The following PTPRN2 variants were observed in gnomAD, a reference collection of about 807,000 sequenced individuals.
The protein encoded by PTPRN2 is receptor-type tyrosine-protein phosphatase N2.
In PTPRN2, 74 loss-of-function variants were observed where a neutral mutation model predicts 118.8. The ratio of observed to expected loss-of-function variants is 0.62; its 90% CI spans 0.52 to 0.76. PTPRN2 has a LOEUF of 0.76. Among genes scored for constraint, PTPRN2 ranks in the 30% least tolerant of loss-of-function variants. The pLI, the probability that PTPRN2 is intolerant of heterozygous loss-of-function variation, is 0.00. For synonymous variants in PTPRN2, 641 were observed against 608.0 expected (o/e 1.05, Z -0.80); for missense variants, 1,481 against 1,394.4 (o/e 1.06, Z -0.99).
At position 158,441,242 on chromosome 7, in the gene PTPRN2, GAA is replaced by G. The variant is rs1256378702; in HGVS notation, c.163+48491_163+48492del. ...TGGTGATAGTAATGGTGATGGCAAT[GAA>G]GGTGATGGTGATGGTGATGGTGATA... On this transcript the variant is annotated intron_variant, in intron 2 of 22. Coordinates refer to ENST00000389418, the MANE Select transcript of PTPRN2 (RefSeq NM_002847.5). Among the ~76,000 whole-genome samples the G allele has an allele frequency of 6.4e-4, 68 of 106,626 alleles. 1 individual carries two copies. The highest frequency in any genetic ancestry group is 1.0e-3 in the Non-Finnish European group (45 of 43,248). The allele number at this position is 106,626 out of a possible 152,430, so 70.0% of individuals were successfully genotyped here. A position where few individuals can be genotyped will look rare whatever the true frequency, so the allele number is the denominator to read the frequency against.
intron 2 of PTPRN2, among the ~76,000 whole-genome samples, chr7:158,334,936 C>T (rs1247484024): frequency 4.0e-4 from 5 of 12,498 alleles, no homozygotes; most frequent in African/African-American, 8.9e-4. Context: ...CGCTGTCGTC[C>T]GGAGGCGTCA....
chr7:158,114,575 C>G (rs1453896420), intron 9 of PTPRN2, among the ~76,000 whole-genome samples: 1 of 152,158 alleles, frequency 6.6e-6, no homozygotes, highest in Non-Finnish European at 1.5e-5. Flanking sequence ...GAGCCAGGAG[C>G]TATGGAAGCA....
intron 3 of PTPRN2, among the ~76,000 whole-genome samples, chr7:158,278,604 G>A (rs1260749392): frequency 6.6e-6 from 1 of 152,256 alleles, no homozygotes; most frequent in Non-Finnish European, 1.5e-5. Context: ...GACATGTTGT[G>A]TCCGGAATTG....
intron 10 of PTPRN2, among the ~76,000 whole-genome samples, chr7:158,083,774 G>A (rs893314223): frequency 1.3e-5 from 2 of 152,192 alleles, no homozygotes; most frequent in Admixed American, 6.5e-5. Flanking sequence ...CAGGCCCAGC[G>A]AGACCCAGGT....
intron 11 of PTPRN2, among the ~76,000 whole-genome samples, chr7:158,043,794 C>T (rs933109917): frequency 9.2e-5 from 14 of 152,236 alleles, no homozygotes; most frequent in African/African-American, 3.1e-4. Flanking sequence ...GAAAGACCCA[C>T]CATTTCTTCA....
chr7:158,434,346 T>A (rs552960978), intron 2 of PTPRN2, among the ~76,000 whole-genome samples: 1 of 152,350 alleles, frequency 6.6e-6, no homozygotes, highest in African/African-American at 2.4e-5. Context: ...CTTTATACAT[T>A]TGAAAATTAT....
Position 158,167,267 on chromosome 7 carries a change from T to G in PTPRN2, c.574A>C (p.Ile192Leu). 1 of 1,607,370 alleles carries G rather than the reference T, an allele frequency of 6.2e-7. No individual in the cohort carries two copies. Among genetic ancestry groups the G allele is most frequent in the Non-Finnish European group, 8.5e-7 (1 of 1,176,604 alleles). Reference sequence around the variant, plus strand: ...GACGTGTGGGCCACATAGGTCAGGATGCTCTCGGAGAAGCGGTCATCACCC... The same window carrying G: ...GACGTGTGGGCCACATAGGTCAGGAGGCTCTCGGAGAAGCGGTCATCACCC... ...AEGDDRFSESILTYVAHTSAL... is the reference protein window; with the variant it reads ...AEGDDRFSESLLTYVAHTSAL... Residue 192 changes from isoleucine (I) to leucine (L), a missense_variant, in exon 6 of 23, where the codon ATC becomes CTC. Transcript: ENST00000389418.
chr7:158,549,170 T>C (rs746953760), intron 1 of PTPRN2, among the ~76,000 whole-genome samples: 23 of 152,196 alleles, frequency 1.5e-4, no homozygotes, highest in Non-Finnish European at 2.6e-4. Flanking sequence ...GTGATCAGCA[T>C]TGTCTGCATA....
chr7:158,441,832 C>G (rs201540832), intron 2 of PTPRN2, among the ~76,000 whole-genome samples: 504 of 18,486 alleles, frequency 0.027, no homozygotes, highest in Middle Eastern at 0.083. Flanking sequence ...TAGTGATGGT[C>G]ATGGCAGTGG....
At chr7:157,541,035 G>C (rs1797988957) in intron 22 of PTPRN2, among the ~76,000 whole-genome samples, 1 of 152,246 alleles carries the variant, frequency 6.6e-6, no homozygotes, top group Non-Finnish European at 1.5e-5. Flanking sequence ...TCTCGCACTA[G>C]AAAAGCCTCA....
Position 158,081,410 on chromosome 7 carries a change from G to A in PTPRN2, c.1644-33C>T, listed in dbSNP as rs759458160. 15 of 1,591,304 alleles carry A rather than the reference G, an allele frequency of 9.4e-6. No homozygotes were observed. The South Asian group carries it at 1.3e-4, about 14-fold the overall frequency. ...GGATAATTTAAAATAAGTTCATAACGAAGTCTACGCGCCACACCGCTTTTC... is the reference window on the plus strand; with the variant it reads ...GGATAATTTAAAATAAGTTCATAACAAAGTCTACGCGCCACACCGCTTTTC... On this transcript the variant is annotated intron_variant, in intron 10 of 22. Transcript: ENST00000389418.
intron 2 of PTPRN2, among the ~76,000 whole-genome samples, chr7:158,396,483 A>G (rs368047854): frequency 2.4e-4 from 36 of 150,506 alleles, no homozygotes; most frequent in African/African-American, 8.4e-4. Flanking sequence ...GATTTTGTTC[A>G]CATGCATGCA....
At chr7:157,826,778 C>A (rs985424801) in intron 12 of PTPRN2, among the ~76,000 whole-genome samples, 5 of 152,120 alleles carry the variant, frequency 3.3e-5, no homozygotes, top group African/African-American at 9.7e-5. Context: ...ACCATGGCAT[C>A]CCAGAGGGTG....
At chr7:158,507,255 T>C (rs1586826402) in intron 1 of PTPRN2, among the ~76,000 whole-genome samples, 1 of 151,530 alleles carries the variant, frequency 6.6e-6, no homozygotes, top group East Asian at 1.9e-4. Flanking sequence ...GTGAGGACTG[T>C]CCAGGGGATA....
At chr7:157,771,466 C>T (rs1391896301) in intron 12 of PTPRN2, among the ~76,000 whole-genome samples, 18 of 152,232 alleles carry the variant, frequency 1.2e-4, no homozygotes, top group Admixed American at 1.1e-3. Context: ...GACACTGACA[C>T]CTCTTTGCCA....
chr7:158,270,891 CCT>C (rs1274734589), intron 3 of PTPRN2, among the ~76,000 whole-genome samples: 2 of 95,704 alleles, frequency 2.1e-5, no homozygotes, highest in Non-Finnish European at 4.2e-5. Flanking sequence ...TGGATGACCC[CCT>C]CCACCTGGAC....
chr7:158,102,148 T>C (rs549731186), intron 10 of PTPRN2, among the ~76,000 whole-genome samples: 2 of 152,238 alleles, frequency 1.3e-5, no homozygotes, highest in Admixed American at 6.5e-5. Context: ...GGAGCCATGA[T>C]GCTAACAGTG....
intron 11 of PTPRN2, among the ~76,000 whole-genome samples, chr7:157,907,650 T>A (rs1358640948): frequency 7.1e-6 from 1 of 141,800 alleles, no homozygotes; most frequent in Non-Finnish European, 1.5e-5. Context: ...CCCTGTCCCC[T>A]GCGTGTGGGG....
rs1818851600 is a variant in PTPRN2 at position 158,136,694 on chromosome 7, A to T, written c.1134T>A (p.Asp378Glu). The T allele has an allele frequency of 2.5e-6, 4 of 1,613,802 alleles. No individual in the cohort carries two copies. In the East Asian group the frequency reaches 8.9e-5, roughly 36 times the overall value. The change falls in exon 8 of 23, where the codon GAT becomes GAA. Residue 378 changes from aspartate to glutamate, a missense_variant and splice_region_variant. By Grantham distance (45) the Asp-to-Glu change is conservative. Transcript: ENST00000389418. Reference sequence around the variant, plus strand: ...TATCATCGTCGTCCTGCACTCCGTCATCTGTAAAAGACACCAGTGTTACCA... The same window carrying T: ...TATCATCGTCGTCCTGCACTCCGTCTTCTGTAAAAGACACCAGTGTTACCA... ...KATLRGDSFPDDGVQDDDDRL... is the reference protein window; with the variant it reads ...KATLRGDSFPEDGVQDDDDRL...
Sources: gnomAD v4.1 joint callset for allele counts (sites outside exome capture counted in the v4.1 genomes callset) on GRCh38, gnomAD v4.1.1 for gene constraint, MANE v1.5 for transcripts, NCBI Gene and HGNC (gene_info 2026-07-23, HGNC 2026-07-21) for gene names.